The following RNF139 variants were observed in gnomAD, a reference collection of about 807,000 sequenced individuals.
The protein encoded by RNF139 is E3 ubiquitin-protein ligase RNF139.
In RNF139, 15 loss-of-function variants were observed where a neutral mutation model predicts 49.5. That is an observed-to-expected ratio of 0.30 (90% confidence interval 0.20 to 0.47). The LOEUF (loss-of-function observed/expected upper bound fraction) is 0.47. Among genes scored for constraint, RNF139 ranks in the 20% least tolerant of loss-of-function variants. RNF139 has a pLI of 1.00. For missense variants in RNF139, 619 were observed against 806.3 expected (o/e 0.77, Z 2.81); for synonymous variants, 325 against 300.9 (o/e 1.08, Z -0.83).
chr8:124,486,241 C>G lies in RNF139; in HGVS notation c.592C>G (p.Leu198Val). The change falls in exon 2 of 2, where the codon CTG (leucine) becomes GTG (valine). Residue 198 changes from leucine to valine, a missense_variant. Transcript: ENST00000303545. ...TACAGTGTTTGTCCTGGCAGTGAAA[C>G]TGAAGTGGTTTTATTATTCCACACG... ...LNTVFVLAVK[L>V]KWFYYSTRYV... The G allele has an allele frequency of 6.2e-7, 1 of 1,614,130 alleles. No individual in the cohort carries two copies. The highest frequency in any genetic ancestry group is 8.5e-7 in the Non-Finnish European group (1 of 1,180,000).
Position 124,488,492 on chromosome 8 carries a change from T to C in RNF139, c.*848T>C. 3.1e-6 allele frequency: 2 copies of C among 641,704 alleles called. No individual in the cohort carries two copies. Among genetic ancestry groups the C allele is most frequent in the Non-Finnish European group, 5.5e-6 (2 of 362,326 alleles). The allele number at this position is 641,704 out of a possible 1,614,324, so 39.8% of individuals were successfully genotyped here. A position where few individuals can be genotyped will look rare whatever the true frequency, so the allele number is the denominator to read the frequency against. On this transcript the variant is annotated 3_prime_UTR_variant, in exon 2 of 2. Transcript: ENST00000303545. ...GGGAATGGTGTGTACCGATATATAG[T>C]ATTTCTTTAGACAACTTGCAGATAA... is the stretch of plus-strand genomic sequence containing the variant.
At position 124,474,891 on chromosome 8, in the gene RNF139, G is replaced by T; in HGVS notation, c.-219G>T. The T allele has an allele frequency of 3.2e-6, 1 of 309,550 alleles. No homozygotes were observed. The highest frequency in any genetic ancestry group is 1.6e-4 in the South Asian group (1 of 6,264). 19.2% of individuals were successfully genotyped at this position (309,550 alleles called of 1,614,324 possible). Reference sequence around the variant, plus strand: ...AAACACCGAAACCCAGAGACCTCCTGGGGAGCCGCCGCCGCCGCCCTCTCG... The same window carrying T: ...AAACACCGAAACCCAGAGACCTCCTTGGGAGCCGCCGCCGCCGCCCTCTCG... On this transcript the variant is annotated 5_prime_UTR_variant, in exon 1 of 2. Coordinates refer to ENST00000303545, the MANE Select transcript of RNF139 (RefSeq NM_007218.4). This position sits in a 1 kb window ranked among gnomAD's most constrained non-coding sequence, Gnocchi z 4.6.
At chr8:124,485,104 C>G (rs1021041282) in intron 1 of RNF139, among the ~76,000 whole-genome samples, 1 of 152,098 alleles carries the variant, frequency 6.6e-6, no homozygotes, top group Non-Finnish European at 1.5e-5. Flanking sequence ...GTGGCTCACG[C>G]CTGTAATCCC....
intron 1 of RNF139, among the ~76,000 whole-genome samples, chr8:124,481,768 C>G (rs940196083): frequency 7.9e-5 from 12 of 152,046 alleles, no homozygotes; most frequent in Non-Finnish European, 1.5e-4. Flanking sequence ...GAGAAACTGT[C>G]TCTGGACTTT....
chr8:124,481,160 C>G (rs1816401011), intron 1 of RNF139, among the ~76,000 whole-genome samples: 1 of 152,046 alleles, frequency 6.6e-6, no homozygotes, highest in African/African-American at 2.4e-5. Context: ...TATAATTTAT[C>G]AAGTATACCA....
intron 1 of RNF139, among the ~76,000 whole-genome samples, chr8:124,478,105 T>C (rs1158977856): frequency 4.0e-5 from 6 of 151,246 alleles, no homozygotes; most frequent in Non-Finnish European, 5.9e-5. Context: ...ATCGCTCCAC[T>C]GCACTCCAGC....
chr8:124,483,114 A>AAT (rs1443914123), intron 1 of RNF139, among the ~76,000 whole-genome samples: 2 of 95,382 alleles, frequency 2.1e-5, no homozygotes, highest in African/African-American at 4.5e-5. Context: ...TATATTAAAA[A>AAT]TATATATATT....
At chr8:124,480,359 G>A (rs1159388620) in intron 1 of RNF139, among the ~76,000 whole-genome samples, 4 of 137,254 alleles carry the variant, frequency 2.9e-5, no homozygotes, top group Non-Finnish European at 6.1e-5. Context: ...TCAAAAGATC[G>A]CACCACTGCA....
intron 1 of RNF139, among the ~76,000 whole-genome samples, chr8:124,483,110 A>AT (rs1563631440): frequency 1.4e-5 from 1 of 69,046 alleles, no homozygotes. Context: ...TATATATATT[A>AT]AAAATATATA....
In RNF139 at chr8:124,486,414, C is replaced by T; in HGVS notation, c.765C>T (p.Tyr255=). 6.2e-7 allele frequency: 1 copy of T among 1,614,138 alleles called. No homozygotes were observed. The highest frequency in any genetic ancestry group is 8.5e-7 in the Non-Finnish European group (1 of 1,180,006). Residue 255 remains tyrosine, a synonymous_variant, in exon 2 of 2, where the codon TAC becomes TAT. Transcript: ENST00000303545. ...RVTAQATVLM[Y]ILRMANETDS... ...CAGCTCAGGCTACAGTGTTAATGTA[C>T]ATCTTAAGGATGGCAAATGAAACTG... is the stretch of plus-strand genomic sequence containing the variant.
chr8:124,482,412 C>T (rs1816429095), intron 1 of RNF139, among the ~76,000 whole-genome samples: 1 of 152,046 alleles, frequency 6.6e-6, no homozygotes, highest in African/African-American at 2.4e-5. Context: ...TTTACAGTTC[C>T]TGCTTGACTT....
In RNF139 at chr8:124,488,388, T is replaced by A. The variant is rs899820920; in HGVS notation, c.*744T>A. 5.5e-5 allele frequency: 20 copies of A among 360,778 alleles called. No individual in the cohort carries two copies. The highest frequency in any genetic ancestry group is 7.8e-4 in the Middle Eastern group (1 of 1,284). 22.3% of individuals were successfully genotyped at this position (360,778 alleles called of 1,614,324 possible). A position where few individuals can be genotyped will look rare whatever the true frequency, so the allele number is the denominator to read the frequency against. On this transcript the variant is annotated 3_prime_UTR_variant, in exon 2 of 2. Transcript: ENST00000303545. The stretch of plus-strand genomic sequence containing the variant: ...ATTACAAAACAAAAATAGTTTTTTT[T>A]AAATTGTTTTAAACTAAGATACTCA...
chr8:124,485,444 AAATT>A (rs1232357841), intron 1 of RNF139, among the ~76,000 whole-genome samples: 1 of 152,202 alleles, frequency 6.6e-6, no homozygotes, highest in Non-Finnish European at 1.5e-5. Flanking sequence ...CCAATTTTTA[AAATT>A]AATTTTAATG....
intron 1 of RNF139, among the ~76,000 whole-genome samples, chr8:124,480,175 A>G (rs1342201124): frequency 6.6e-6 from 1 of 151,994 alleles, no homozygotes; most frequent in Admixed American, 6.6e-5. Flanking sequence ...GTGTATTCTT[A>G]CCTAGATGTA....
rs1432730117 is a variant in RNF139 at position 124,480,167 on chromosome 8, G to A, written c.181+4877G>A. Among the ~76,000 whole-genome samples, 4 of 151,088 alleles carry A rather than the reference G, an allele frequency of 2.6e-5. No individual in the cohort carries two copies. In the East Asian group the frequency reaches 8.0e-4, roughly 30 times the overall value. ...AAAAAAAAAATAGTCATTTCTAAGT[G>A]TATTCTTACCTAGATGTATATGTAA... On this transcript the variant is annotated intron_variant, in intron 1 of 1. Coordinates refer to ENST00000303545, the MANE Select transcript of RNF139 (RefSeq NM_007218.4).
Position 124,487,639 on chromosome 8 carries a change from G to T in RNF139, c.1990G>T (p.Asp664Tyr), listed in dbSNP as rs1349100767. Residue 664 changes from aspartate (D) to tyrosine (Y), a missense_variant, in exon 2 of 2, where the codon GAC becomes TAC. This residue lies in a region of RNF139 where 530 missense variants were observed against 728.9 expected (regional missense o/e 0.73). Transcript: ENST00000303545. ...AAAEEFNDDT[D>Y] is the part of the protein sequence containing the mutation. ...AGCTGAAGAATTTAATGATGATACT[G>T]ACTGATGAAAATAGCATTTATTAAT... 3 of 1,592,048 alleles carry T rather than the reference G, an allele frequency of 1.9e-6. No individual in the cohort carries two copies. The Admixed American group carries it at 5.4e-5, about 28-fold the overall frequency.
chr8:124,483,519 A>G (rs778983581), intron 1 of RNF139: 3 of 152,128 alleles, frequency 2.0e-5, no homozygotes, highest in South Asian at 2.1e-4. Context: ...GCTAACTGCA[A>G]TGCCTCCCGG....
chr8:124,476,553 C>G (rs998956068), intron 1 of RNF139, among the ~76,000 whole-genome samples: 2 of 152,200 alleles, frequency 1.3e-5, no homozygotes, highest in Non-Finnish European at 2.9e-5. Flanking sequence ...TGATCATATG[C>G]TAGATCTTAA....
intron 1 of RNF139, among the ~76,000 whole-genome samples, chr8:124,480,211 T>A (rs987084654): frequency 3.3e-5 from 5 of 151,874 alleles, no homozygotes; most frequent in Non-Finnish European, 7.4e-5. Context: ...TGCAGAACTT[T>A]AAATTTTTAG....
Sources: gnomAD v4.1 joint callset for allele counts (sites outside exome capture counted in the v4.1 genomes callset) on GRCh38, gnomAD v4.1.1 for gene constraint, gnomAD v4.1.1 regional missense constraint, Gnocchi (gnomAD v3.1) non-coding constraint, MANE v1.5 for transcripts, NCBI Gene and HGNC (gene_info 2026-07-23, HGNC 2026-07-21) for gene names.